The following PITPNB variants were observed in gnomAD, a reference collection of about 807,000 sequenced individuals.
PITPNB encodes the protein phosphatidylinositol transfer protein beta, also known as phosphatidylinositol transfer protein beta isoform.
PITPNB carries 16 observed loss-of-function variants against 45.9 expected under a neutral mutation model. That is an observed-to-expected ratio of 0.35 (90% CI 0.24 to 0.53). The LOEUF is 0.53. Ranked by LOEUF, PITPNB falls within the 20% of genes least tolerant of loss-of-function variation. The probability of loss-of-function intolerance (pLI) is 0.93; values close to 1 mark genes in which losing one functional copy is unlikely to be tolerated. For missense variants in PITPNB, 188 were observed against 330.5 expected, an observed-to-expected ratio of 0.57 and a Z score of 3.34; for synonymous variants, 112 against 108.9, an observed-to-expected ratio of 1.03 and a Z score of -0.18.
chr22:27,863,660 A>G (rs1223470032), intron 8 of PITPNB, among the ~76,000 whole-genome samples: 1 of 152,242 alleles, frequency 6.6e-6, no homozygotes, highest in Admixed American at 6.5e-5. Context: ...GGGTGTACCT[A>G]GAACACTGAT....
chr22:27,901,752 C>G (rs147229350), intron 3 of PITPNB, among the ~76,000 whole-genome samples: 1 of 151,964 alleles, frequency 6.6e-6, no homozygotes, highest in African/African-American at 2.4e-5. Context: ...GACATGGTGG[C>G]GGGTGCCTAC....
intron 2 of PITPNB, among the ~76,000 whole-genome samples, chr22:27,913,006 T>TGG (rs1003089996): frequency 1.0e-4 from 10 of 99,110 alleles, no homozygotes; most frequent in African/African-American, 3.5e-4. Context: ...AAAAAAAAGG[T>TGG]GGGGGGGGGA....
intron 2 of PITPNB, among the ~76,000 whole-genome samples, chr22:27,912,147 T>C (rs1485993025): frequency 6.6e-6 from 1 of 152,196 alleles, no homozygotes; most frequent in East Asian, 1.9e-4. Context: ...AATTTCAAAA[T>C]TAACATTTTA....
At chr22:27,909,584 T>C (rs1172370957) in intron 3 of PITPNB, among the ~76,000 whole-genome samples, 1 of 152,130 alleles carries the variant, frequency 6.6e-6, no homozygotes, top group Non-Finnish European at 1.5e-5. Flanking sequence ...AGAGACTATC[T>C]TTTGTCTACG....
chr22:27,866,303 T>G lies in PITPNB; in HGVS notation c.535-6062A>C, dbSNP rs574853704. Among the ~76,000 whole-genome samples, 3 of 152,334 alleles carry G rather than the reference T, an allele frequency of 2.0e-5. No homozygotes were observed. The East Asian group carries it at 5.8e-4, about 29-fold the overall frequency. On this transcript the variant is annotated intron_variant, in intron 8 of 11. Coordinates refer to ENST00000335272, the MANE Select transcript of PITPNB (RefSeq NM_012399.5). ...CTGAATTCCTTACATTTCATGTTTC[T>G]AACTGTAAATGAAACTCCCAAGCCT...
chr22:27,918,544 C>A (rs1936155701), intron 1 of PITPNB, among the ~76,000 whole-genome samples: 1 of 152,132 alleles, frequency 6.6e-6, no homozygotes. Context: ...GTAGGTGGGG[C>A]CCGGGATGTC....
intron 3 of PITPNB, among the ~76,000 whole-genome samples, chr22:27,904,108 C>T (rs1935690478): frequency 6.6e-6 from 1 of 152,152 alleles, no homozygotes; most frequent in South Asian, 2.1e-4. Flanking sequence ...TATGACCCAG[C>T]CAATTTCACT....
intron 1 of PITPNB, among the ~76,000 whole-genome samples, chr22:27,916,701 G>T (rs1936086406): frequency 6.6e-6 from 1 of 152,122 alleles, no homozygotes; most frequent in Admixed American, 6.5e-5. Flanking sequence ...TACTTGGGAG[G>T]CTGAGGCAGG....
chr22:27,914,349 T>C lies in PITPNB; in HGVS notation c.21-2A>G. 1 of 1,583,078 alleles carries C rather than the reference T, an allele frequency of 6.3e-7. No homozygotes were observed. Among genetic ancestry groups the C allele is most frequent in the South Asian group, 1.1e-5 (1 of 89,840 alleles). On this transcript the variant is annotated splice_acceptor_variant, in intron 1 of 11. Transcript: ENST00000335272. LOFTEE classifies it high-confidence loss of function. ...ACAGAACATGGCAAAACCACACGGCTAAAAAGACAAAAGAAAAAATATATA... is the reference window on the plus strand; with the variant it reads ...ACAGAACATGGCAAAACCACACGGCCAAAAAGACAAAAGAAAAAATATATA...
intron 7 of PITPNB, among the ~76,000 whole-genome samples, chr22:27,878,135 A>G (rs915347442): frequency 6.6e-6 from 1 of 152,254 alleles, no homozygotes; most frequent in Non-Finnish European, 1.5e-5. Flanking sequence ...TTGCAGTTCA[A>G]CTTAGCAAGG....
intron 7 of PITPNB, among the ~76,000 whole-genome samples, chr22:27,876,721 G>A (rs1934830734): frequency 6.6e-6 from 1 of 152,182 alleles, no homozygotes; most frequent in South Asian, 2.1e-4. Flanking sequence ...ATTTATATCC[G>A]TATCACAATG....
chr22:27,908,373 T>C (rs898095421), intron 3 of PITPNB, among the ~76,000 whole-genome samples: 3 of 150,814 alleles, frequency 2.0e-5, no homozygotes, highest in Admixed American at 1.3e-4. Context: ...ACATGTAATG[T>C]ATTATGTATT....
At position 27,894,591 on chromosome 22, in the gene PITPNB, A is replaced by G; in HGVS notation, c.420T>C (p.His140=). ...CTTGACTTCTATCTGCAATATCTAT[A>G]TGGACAATTTCAACAGTTTTCCATG... The part of the protein sequence containing the change: ...PNTWKTVEIV[H]IDIADRSQVE... The change falls in exon 7 of 12, where the codon CAT becomes CAC. Residue 140 remains histidine (H), a synonymous_variant. Transcript: ENST00000335272. 1 of 1,603,704 alleles carries G rather than the reference A, an allele frequency of 6.2e-7. No homozygotes were observed. Among genetic ancestry groups the G allele is most frequent in the South Asian group, 1.1e-5 (1 of 90,832 alleles).
chr22:27,863,145 T>C (rs1452605575), intron 8 of PITPNB, among the ~76,000 whole-genome samples: 1 of 152,008 alleles, frequency 6.6e-6, no homozygotes, highest in Non-Finnish European at 1.5e-5. Context: ...CACTTAATTG[T>C]GAGATATAGC....
chr22:27,869,628 C>A (rs1254642427), intron 8 of PITPNB, among the ~76,000 whole-genome samples: 2 of 152,106 alleles, frequency 1.3e-5, no homozygotes, highest in African/African-American at 2.4e-5. Flanking sequence ...ACTCTGAATA[C>A]TAGACAGATA....
chr22:27,909,652 C>G (rs1935862505), intron 3 of PITPNB, among the ~76,000 whole-genome samples: 1 of 152,064 alleles, frequency 6.6e-6, no homozygotes, highest in Non-Finnish European at 1.5e-5. Context: ...TCTTGAAGGG[C>G]AATTTTGGCA....
intron 8 of PITPNB, among the ~76,000 whole-genome samples, chr22:27,868,910 A>C (rs1370293819): frequency 1.3e-5 from 2 of 152,206 alleles, no homozygotes; most frequent in African/African-American, 4.8e-5. Flanking sequence ...ACAGAAGCTT[A>C]AATCTTCAAG....
intron 7 of PITPNB, among the ~76,000 whole-genome samples, chr22:27,891,686 T>G (rs1287112374): frequency 6.6e-6 from 1 of 152,036 alleles, no homozygotes; most frequent in Non-Finnish European, 1.5e-5. Context: ...TTCCTCCTCC[T>G]CTCTCTCCTG....
chr22:27,912,571 C>A (rs16985718), intron 2 of PITPNB, among the ~76,000 whole-genome samples: 5,529 of 151,822 alleles, frequency 0.036, 152 homozygotes, highest in African/African-American at 0.069. Flanking sequence ...TCCAAAAAAA[C>A]GTTAATGGAC....
Sources: allele counts gnomAD v4.1 joint callset (sites outside exome capture counted in the v4.1 genomes callset), GRCh38; gene constraint gnomAD v4.1.1; transcripts MANE v1.5; gene names NCBI Gene and HGNC (gene_info 2026-07-23, HGNC 2026-07-21).